CTDSPL: variants seen among roughly 807,000 people sequenced by gnomAD.
CTDSPL encodes the protein CTD small phosphatase like, also known as CTD small phosphatase-like protein.
In CTDSPL, 8 loss-of-function variants were observed where a neutral mutation model predicts 30.5. That is an observed-to-expected ratio of 0.26 (90% confidence interval 0.15 to 0.47). The LOEUF is 0.47. Among genes scored for constraint, CTDSPL ranks in the 20% least tolerant of loss-of-function variants. CTDSPL has a pLI of 0.99. For synonymous variants in CTDSPL, 110 were observed against 137.9 expected (o/e 0.80, Z 1.42); for missense variants, 248 against 366.1 (o/e 0.68, Z 2.63).
intron 1 of CTDSPL, among the ~76,000 whole-genome samples, chr3:37,905,738 G>A (rs1698507778): frequency 1.3e-5 from 2 of 152,348 alleles, no homozygotes; most frequent in South Asian, 2.1e-4. Flanking sequence ...TGGCTCCCAT[G>A]TCCAAGGTGT....
intron 5 of CTDSPL, among the ~76,000 whole-genome samples, chr3:37,971,206 C>T (rs1345944692): frequency 6.6e-6 from 1 of 152,224 alleles, no homozygotes; most frequent in Non-Finnish European, 1.5e-5. Flanking sequence ...GCAGTGAACT[C>T]AGACCTGGAG....
chr3:37,945,833 T>C (rs1429312039), intron 1 of CTDSPL, among the ~76,000 whole-genome samples: 1 of 152,212 alleles, frequency 6.6e-6, no homozygotes, highest in Non-Finnish European at 1.5e-5. Flanking sequence ...TTCAGTCCCT[T>C]TTCAGAATTT....
chr3:37,872,561 A>ATT (rs1698086293), intron 1 of CTDSPL, among the ~76,000 whole-genome samples: 3 of 122,092 alleles, frequency 2.5e-5, no homozygotes, highest in South Asian at 2.5e-4. Context: ...TTTTTTTTTA[A>ATT]ATTCTTTTAT....
intron 1 of CTDSPL, among the ~76,000 whole-genome samples, chr3:37,883,339 G>A (rs1017548730): frequency 3.9e-5 from 6 of 152,218 alleles, no homozygotes; most frequent in Non-Finnish European, 8.8e-5. Context: ...TGTGTCTTTA[G>A]TGTAGGAATT....
intron 1 of CTDSPL, among the ~76,000 whole-genome samples, chr3:37,932,171 C>T (rs1374230246): frequency 6.6e-6 from 1 of 152,108 alleles, no homozygotes; most frequent in Non-Finnish European, 1.5e-5. Context: ...TTTGATTAAT[C>T]TTTTGGAGGA....
At chr3:37,958,553 C>T (rs1368780722) in intron 3 of CTDSPL, among the ~76,000 whole-genome samples, 1 of 152,128 alleles carries the variant, frequency 6.6e-6, no homozygotes, top group Non-Finnish European at 1.5e-5. Flanking sequence ...CAGCCACGTG[C>T]AAAGTTAAGT....
rs79190977 is a variant in CTDSPL, at chr3:37,904,694, G to C, written c.80-42363G>C. ...CCCCCTTTTTATAGAGAAAACGTAT[G>C]AGTGGCCAGGAGTCCCTTTCTTCCC... On this transcript the variant is annotated intron_variant, in intron 1 of 7. Transcript: ENST00000273179. 9.8e-5 allele frequency among the ~76,000 whole-genome samples: 15 copies of C among 152,286 alleles called. No homozygotes were observed. The East Asian group carries it at 1.7e-3, about 18-fold the overall frequency.
At chr3:37,977,820 C>T (rs1268012020) in intron 7 of CTDSPL, among the ~76,000 whole-genome samples, 1 of 151,884 alleles carries the variant, frequency 6.6e-6, no homozygotes, top group Non-Finnish European at 1.5e-5. Flanking sequence ...TCTCTTGAGC[C>T]CAGGAGGTCG....
chr3:37,883,623 A>T (rs1268396668), intron 1 of CTDSPL, among the ~76,000 whole-genome samples: 1 of 152,210 alleles, frequency 6.6e-6, no homozygotes, highest in Non-Finnish European at 1.5e-5. Context: ...AAACAGGTTG[A>T]GGAATTTTAT....
chr3:37,919,966 AG>A (rs1698694570), intron 1 of CTDSPL, among the ~76,000 whole-genome samples: 2 of 152,158 alleles, frequency 1.3e-5, no homozygotes, highest in Non-Finnish European at 2.9e-5. Flanking sequence ...TTCTTCTCTT[AG>A]TCTCTGATGG....
intron 1 of CTDSPL, among the ~76,000 whole-genome samples, chr3:37,870,478 G>T (rs2125588029): frequency 6.6e-6 from 1 of 152,150 alleles, no homozygotes; most frequent in South Asian, 2.1e-4. Context: ...CTTGCTTGAG[G>T]TTTCTCAATT....
chr3:37,933,974 G>A (rs1239280224), intron 1 of CTDSPL, among the ~76,000 whole-genome samples: 1 of 152,144 alleles, frequency 6.6e-6, no homozygotes, highest in Non-Finnish European at 1.5e-5. Context: ...CAACATAAAT[G>A]TCCAAAGTTA....
intron 1 of CTDSPL, among the ~76,000 whole-genome samples, chr3:37,928,660 G>A (rs1195222817): frequency 6.6e-6 from 1 of 152,026 alleles, no homozygotes; most frequent in East Asian, 1.9e-4. Flanking sequence ...GCATTGTAAG[G>A]GTTCTTTATA....
chr3:37,953,264 C>G (rs1039813222), intron 2 of CTDSPL, among the ~76,000 whole-genome samples: 1 of 152,190 alleles, frequency 6.6e-6, no homozygotes, highest in African/African-American at 2.4e-5. Flanking sequence ...CCATCTTATC[C>G]TCATTCACGT....
chr3:37,946,964 TG>T, intron 1 of CTDSPL, 92 bp from the exon 2 acceptor site: 12 of 1,396,804 alleles, frequency 8.6e-6, no homozygotes, highest in East Asian at 2.6e-5. Context: ...ATCTGGGGTC[TG>T]GGGGGCAACT....
At chr3:37,956,777 G>A (rs1376972172) in intron 2 of CTDSPL, among the ~76,000 whole-genome samples, 1 of 152,184 alleles carries the variant, frequency 6.6e-6, no homozygotes, top group Non-Finnish European at 1.5e-5. Flanking sequence ...TTTTTAGAGG[G>A]AACCAAGGAT....
intron 1 of CTDSPL, among the ~76,000 whole-genome samples, chr3:37,869,194 A>G (rs749614613): frequency 7.9e-5 from 12 of 152,114 alleles, no homozygotes; most frequent in Non-Finnish European, 1.5e-4. Flanking sequence ...TATAGGGTAT[A>G]TAATCATATA....
At chr3:37,874,005 T>A (rs1240189341) in intron 1 of CTDSPL, among the ~76,000 whole-genome samples, 1 of 152,264 alleles carries the variant, frequency 6.6e-6, no homozygotes, top group Non-Finnish European at 1.5e-5. Context: ...TTCACTTTGT[T>A]TCTCAGTTAA....
intron 1 of CTDSPL, among the ~76,000 whole-genome samples, chr3:37,870,308 G>C (rs929749026): frequency 5.3e-5 from 8 of 151,938 alleles, no homozygotes; most frequent in Non-Finnish European, 1.2e-4. Flanking sequence ...TCTGAGATTT[G>C]AGTCATTTCA....
Sources: gnomAD v4.1 joint callset for allele counts (sites outside exome capture counted in the v4.1 genomes callset) on GRCh38, gnomAD v4.1.1 for gene constraint, MANE v1.5 for transcripts, NCBI Gene and HGNC (gene_info 2026-07-23, HGNC 2026-07-21) for gene names.